Variants in RAB3GAP1 observed in about 807,000 individuals in gnomAD.
The protein encoded by RAB3GAP1 is rab3 GTPase-activating protein catalytic subunit.
A neutral mutation model predicts 130.7 loss-of-function variants in RAB3GAP1; 86 were observed. That is an observed-to-expected ratio of 0.66 (90% CI 0.55 to 0.79). RAB3GAP1 has a LOEUF of 0.79. Among genes scored for constraint, RAB3GAP1 ranks in the 30% least tolerant of loss-of-function variants. RAB3GAP1 has a pLI of 0.00. For synonymous variants in RAB3GAP1, 367 were observed against 401.7 expected (o/e 0.91, Z 1.03); for missense variants, 1,029 against 1,169.4 (o/e 0.88, Z 1.75).
chr2:135,080,701 T>C (rs1689769335), intron 3 of RAB3GAP1, among the ~76,000 whole-genome samples: 2 of 152,236 alleles, frequency 1.3e-5, no homozygotes, highest in African/African-American at 4.8e-5. Flanking sequence ...GATCTCTTCC[T>C]ATGACAGTTC....
At position 135,092,881 on chromosome 2, in the gene RAB3GAP1, G is replaced by A. The variant is rs573987787; in HGVS notation, c.284-734G>A. ...ACCATCAGCTCAGTTTTACAGATAC[G>A]CGTTTAAAACTATATTATCAGAGGT... On this transcript the variant is annotated intron_variant, in intron 4 of 23. Coordinates refer to ENST00000264158, the MANE Select transcript of RAB3GAP1 (RefSeq NM_012233.3). Among the ~76,000 whole-genome samples the A allele has an allele frequency of 5.9e-5, 9 of 152,184 alleles. No homozygotes were observed. The East Asian group carries it at 7.7e-4, about 13-fold the overall frequency.
intron 5 of RAB3GAP1, among the ~76,000 whole-genome samples, chr2:135,095,912 G>C (rs931869837): frequency 2.0e-5 from 3 of 152,110 alleles, no homozygotes; most frequent in Admixed American, 2.0e-4. Context: ...GAGAGAGAGA[G>C]AGAGACCACA....
chr2:135,131,501 A>C (rs1691541928), intron 13 of RAB3GAP1, among the ~76,000 whole-genome samples: 1 of 152,178 alleles, frequency 6.6e-6, no homozygotes, highest in South Asian at 2.1e-4. Flanking sequence ...AACTGCTGGG[A>C]TTACAGGCGT....
chr2:135,077,512 C>T (rs962316015), intron 3 of RAB3GAP1, among the ~76,000 whole-genome samples: 5 of 152,040 alleles, frequency 3.3e-5, no homozygotes, highest in African/African-American at 9.7e-5. Context: ...GGCAACATAG[C>T]GAGACCCTAT....
intron 5 of RAB3GAP1, among the ~76,000 whole-genome samples, chr2:135,102,859 A>G (rs1470755289): frequency 6.6e-6 from 1 of 151,684 alleles, no homozygotes; most frequent in East Asian, 2.0e-4. Context: ...ACTAAAAATA[A>G]CAAAAATTAG....
intron 19 of RAB3GAP1, among the ~76,000 whole-genome samples, chr2:135,161,872 C>T (rs1175717436): frequency 6.6e-6 from 1 of 152,080 alleles, no homozygotes; most frequent in African/African-American, 2.4e-5. Context: ...AAAATTTCTG[C>T]ATCACCTGTA....
intron 5 of RAB3GAP1, among the ~76,000 whole-genome samples, chr2:135,103,536 T>C (rs925345606): frequency 6.6e-6 from 1 of 152,108 alleles, no homozygotes; most frequent in African/African-American, 2.4e-5. Context: ...TAAAGGGGAA[T>C]TTTTTTAAAA....
Position 135,052,295 on chromosome 2 carries a change from G to A in RAB3GAP1, c.-13G>A, listed in dbSNP as rs375796483. ...TCCCGGCAGCCTTAGCGCCAGGCCC[G>A]GCGCTCCTCAAGATGGCTGCCGACA... On this transcript the variant is annotated 5_prime_UTR_variant, in exon 1 of 24. Transcript: ENST00000264158. The A allele has an allele frequency of 4.5e-5, 73 of 1,613,150 alleles. No homozygotes were observed. The highest frequency in any genetic ancestry group is 3.3e-5 in the South Asian group (3 of 91,052).
intron 3 of RAB3GAP1, among the ~76,000 whole-genome samples, chr2:135,061,494 T>C (rs1348690947): frequency 6.6e-6 from 1 of 152,222 alleles, no homozygotes; most frequent in African/African-American, 2.4e-5. Context: ...GTGCTTTTAA[T>C]TTATATTTCT....
At chr2:135,146,313 G>A (rs1691993120) in intron 17 of RAB3GAP1, among the ~76,000 whole-genome samples, 1 of 148,976 alleles carries the variant, frequency 6.7e-6, no homozygotes, top group Non-Finnish European at 1.5e-5. Context: ...CTGAGTTCAA[G>A]TGATTCTTGT....
chr2:135,119,317 C>T (rs1344370117), intron 7 of RAB3GAP1, among the ~76,000 whole-genome samples: 2 of 152,120 alleles, frequency 1.3e-5, no homozygotes, highest in African/African-American at 4.8e-5. Flanking sequence ...ACCATGTTGG[C>T]CAGGCTGGTC....
chr2:135,146,832 G>T (rs1318261893), intron 17 of RAB3GAP1, among the ~76,000 whole-genome samples: 7 of 151,842 alleles, frequency 4.6e-5, no homozygotes, highest in Admixed American at 1.3e-4. Flanking sequence ...AGGTTTAGTC[G>T]TATTCCCTTG....
intron 11 of RAB3GAP1, among the ~76,000 whole-genome samples, chr2:135,129,101 A>G (rs1264241387): frequency 2.0e-5 from 3 of 152,132 alleles, no homozygotes; most frequent in Non-Finnish European, 4.4e-5. Context: ...GCAGTGAGCC[A>G]TGATCGTGCC....
rs367736752 is a variant in RAB3GAP1 at position 135,122,199 on chromosome 2, G to A, written c.748+1281G>A. ...CCACAAAATAATTTTCAACTCTAAT[G>A]TACACTAAAAGGACCGTATCTAGAC... On this transcript the variant is annotated intron_variant, in intron 8 of 23. Transcript: ENST00000264158. 2.4e-4 allele frequency among the ~76,000 whole-genome samples: 37 copies of A among 152,074 alleles called. No individual in the cohort carries two copies. In the South Asian group the frequency reaches 5.8e-3, roughly 24 times the overall value.
At chr2:135,157,852 A>G (rs527934013) in intron 19 of RAB3GAP1, among the ~76,000 whole-genome samples, 2 of 151,992 alleles carry the variant, frequency 1.3e-5, no homozygotes, top group African/African-American at 4.8e-5. Flanking sequence ...AAAAAAAACA[A>G]AAACAATCTT....
intron 8 of RAB3GAP1, 25 bp downstream of exon 8, chr2:135,120,943 A>G (rs1324071932): frequency 7.0e-7 from 1 of 1,427,068 alleles, no homozygotes; most frequent in African/African-American, 1.4e-5. Flanking sequence ...AACTATATTT[A>G]ACTTACTGAA....
intron 16 of RAB3GAP1, 25 bp from the exon 17 acceptor site, chr2:135,135,539 T>C: frequency 1.3e-6 from 2 of 1,563,520 alleles, no homozygotes; most frequent in Non-Finnish European, 8.7e-7. Flanking sequence ...AATTCAACTA[T>C]AAATGTTATT....
At chr2:135,111,811 C>T (rs1690808742) in intron 5 of RAB3GAP1, among the ~76,000 whole-genome samples, 1 of 152,006 alleles carries the variant, frequency 6.6e-6, no homozygotes, top group Admixed American at 6.6e-5. Context: ...TTAAAATGTG[C>T]ACATTATAGT....
chr2:135,130,645 C>T lies in RAB3GAP1; in HGVS notation c.1160C>T (p.Ala387Val). Residue 387 changes from alanine to valine, a missense_variant, in exon 13 of 24, where the codon GCA (alanine) becomes GTA (valine). Physicochemically the swap from Ala to Val is moderately conservative, Grantham distance 64. Around this residue, in one of 3 missense-constraint regions of RAB3GAP1, gnomAD observed 510 missense variants for 532.1 expected, o/e 0.96. Transcript: ENST00000264158. ...TCAGTTTCAAATATGGTACACACTG[C>T]AAAGAAGAAAATCCGAAAACACAGA... ...KLSVSNMVHT[A>V]KKKIRKHRGV... 1 of 1,613,648 alleles carries T rather than the reference C, an allele frequency of 6.2e-7. No individual in the cohort carries two copies. The highest frequency in any genetic ancestry group is 8.5e-7 in the Non-Finnish European group (1 of 1,179,670).
Sources: allele counts gnomAD v4.1 joint callset (sites outside exome capture counted in the v4.1 genomes callset), GRCh38; gene constraint gnomAD v4.1.1; regional missense constraint gnomAD v4.1.1; transcripts MANE v1.5; gene names NCBI Gene and HGNC (gene_info 2026-07-23, HGNC 2026-07-21).